The following LAPTM4B variants were observed in gnomAD, a reference collection of about 807,000 sequenced individuals.
LAPTM4B encodes lysosomal protein transmembrane 4 beta, also known as lysosomal-associated transmembrane protein 4B.
In LAPTM4B, 26 loss-of-function variants were observed where a neutral mutation model predicts 28.5. That is an observed-to-expected ratio of 0.91 (90% CI 0.67 to 1.27). The LOEUF is 1.27. Among genes scored for constraint, LAPTM4B ranks in the 50% most tolerant of loss-of-function variants. LAPTM4B has a pLI of 0.00. For synonymous variants in LAPTM4B, 109 were observed against 106.4 expected (o/e 1.02, Z -0.15); for missense variants, 288 against 285.8 (o/e 1.01, Z -0.06).
At chr8:97,814,741 C>A (rs766244573) in intron 2 of LAPTM4B, among the ~76,000 whole-genome samples, 1 of 140,466 alleles carries the variant, frequency 7.1e-6, no homozygotes, top group Admixed American at 7.2e-5. Flanking sequence ...TCGCCCAGAC[C>A]GGAGTGCAGT....
rs777438073 is a variant in LAPTM4B, at chr8:97,846,971, T to A, written c.604-4426T>A. On this transcript the variant is annotated intron_variant, in intron 6 of 6. Transcript: ENST00000521545. Reference sequence around the variant, plus strand: ...TTTATTTCTCCCCCCAACTGTTCTATATGTTGATGTAGCTGAGAAGAATGA... The same window carrying A: ...TTTATTTCTCCCCCCAACTGTTCTAAATGTTGATGTAGCTGAGAAGAATGA... Among the ~76,000 whole-genome samples the A allele has an allele frequency of 2.7e-4, 41 of 152,352 alleles. 2 individuals are homozygous for A. In the Middle Eastern group the frequency reaches 0.02, roughly 76 times the overall value.
At chr8:97,784,613 T>A (rs906332381) in intron 1 of LAPTM4B, among the ~76,000 whole-genome samples, 14 of 152,102 alleles carry the variant, frequency 9.2e-5, no homozygotes, top group Non-Finnish European at 1.9e-4. Flanking sequence ...CTGATTTTTT[T>A]ATTTTTAATA....
intron 1 of LAPTM4B, among the ~76,000 whole-genome samples, chr8:97,783,585 G>C (rs1033097296): frequency 2.0e-5 from 3 of 152,090 alleles, no homozygotes; most frequent in African/African-American, 7.2e-5. Flanking sequence ...CCCATGTTCA[G>C]ACCTTGGAAA....
intron 6 of LAPTM4B, among the ~76,000 whole-genome samples, chr8:97,848,433 A>G (rs1303936890): frequency 2.6e-5 from 4 of 151,292 alleles, no homozygotes; most frequent in African/African-American, 7.4e-5. Context: ...TCTTATGTTA[A>G]TCTTCTGTGA....
At chr8:97,836,092 A>G (rs1028948417) in intron 6 of LAPTM4B, among the ~76,000 whole-genome samples, 3 of 151,972 alleles carry the variant, frequency 2.0e-5, no homozygotes, top group African/African-American at 7.3e-5. Flanking sequence ...CCCCTCATCA[A>G]CCCCTTAGCA....
chr8:97,783,847 A>T (rs1816362168), intron 1 of LAPTM4B, among the ~76,000 whole-genome samples: 1 of 152,074 alleles, frequency 6.6e-6, no homozygotes, highest in Non-Finnish European at 1.5e-5. Context: ...CCTTCCTTTG[A>T]GTTTTCTTAT....
At chr8:97,817,153 T>G (rs1816930791) in intron 4 of LAPTM4B, among the ~76,000 whole-genome samples, 1 of 152,096 alleles carries the variant, frequency 6.6e-6, no homozygotes, top group Admixed American at 6.5e-5. Context: ...TATTTATTTT[T>G]GGGACAGGGT....
At position 97,800,657 on chromosome 8, in the gene LAPTM4B, C is replaced by T. The variant is rs141562632; in HGVS notation, c.100-4696C>T. Among the ~76,000 whole-genome samples the T allele has an allele frequency of 4.5e-3, 682 of 151,800 alleles. 3 individuals are homozygous for T. The highest frequency in any genetic ancestry group is 0.015 in the African/African-American group (627 of 41,374). On this transcript the variant is annotated intron_variant, in intron 1 of 6. Coordinates refer to ENST00000521545, the MANE Select transcript of LAPTM4B (RefSeq NM_018407.6). ...GATTACAGGCATGCACCACCATGCCCGGCTAATTTTGTATTTTTAGTGGAG... is the reference window on the plus strand; with the variant it reads ...GATTACAGGCATGCACCACCATGCCTGGCTAATTTTGTATTTTTAGTGGAG...
intron 4 of LAPTM4B, among the ~76,000 whole-genome samples, chr8:97,818,370 A>T (rs951531259): frequency 6.6e-6 from 1 of 152,142 alleles, no homozygotes; most frequent in African/African-American, 2.4e-5. Context: ...GAGATAAAAG[A>T]TGAGATAGCA....
At chr8:97,823,053 G>C (rs1315893270) in intron 5 of LAPTM4B, among the ~76,000 whole-genome samples, 5 of 152,066 alleles carry the variant, frequency 3.3e-5, no homozygotes, top group African/African-American at 9.7e-5. Flanking sequence ...GCGTTAGCCA[G>C]GGTGGTCTCT....
At chr8:97,779,504 A>T (rs958922738) in intron 1 of LAPTM4B, among the ~76,000 whole-genome samples, 1 of 151,424 alleles carries the variant, frequency 6.6e-6, no homozygotes, top group African/African-American at 2.4e-5. Context: ...AAAAAAGAGA[A>T]AGAGGCCTGG....
At chr8:97,820,030 G>A (rs1405844413) in intron 5 of LAPTM4B, among the ~76,000 whole-genome samples, 1 of 152,120 alleles carries the variant, frequency 6.6e-6, no homozygotes, top group Non-Finnish European at 1.5e-5. Context: ...ACTGTGCCCG[G>A]CTTCAAGATA....
chr8:97,795,183 G>A (rs1242135272), intron 1 of LAPTM4B, among the ~76,000 whole-genome samples: 2 of 152,054 alleles, frequency 1.3e-5, no homozygotes, highest in Admixed American at 6.6e-5. Context: ...CACTGGAGCC[G>A]CAACCTCCTG....
intron 1 of LAPTM4B, among the ~76,000 whole-genome samples, chr8:97,791,009 G>C (rs919872648): frequency 6.6e-6 from 1 of 152,048 alleles, no homozygotes; most frequent in African/African-American, 2.4e-5. Context: ...AGCTCAAGTA[G>C]TTTTCCCACC....
At chr8:97,819,414 A>G (rs1341054306) in intron 5 of LAPTM4B, among the ~76,000 whole-genome samples, 176 bp downstream of exon 5, 1 of 152,212 alleles carries the variant, frequency 6.6e-6, no homozygotes, top group Admixed American at 6.5e-5. Flanking sequence ...ACTAATCAAA[A>G]TTCCACAGTT....
chr8:97,786,387 T>C (rs1816399755), intron 1 of LAPTM4B, among the ~76,000 whole-genome samples: 1 of 143,978 alleles, frequency 6.9e-6, no homozygotes, highest in East Asian at 2.1e-4. Flanking sequence ...TTCAAATTAT[T>C]AGTAAACATA....
intron 1 of LAPTM4B, among the ~76,000 whole-genome samples, chr8:97,803,843 G>T (rs1057226837): frequency 6.6e-6 from 1 of 151,910 alleles, no homozygotes; most frequent in African/African-American, 2.4e-5. Context: ...GGGTCTCACT[G>T]TGTTGCCCAG....
At chr8:97,793,356 GA>G (rs34582050) in intron 1 of LAPTM4B, among the ~76,000 whole-genome samples, 3 of 150,024 alleles carry the variant, frequency 2.0e-5, no homozygotes, top group Non-Finnish European at 4.4e-5. Context: ...TTTCTGTTCA[GA>G]AAAAAAAAGG....
chr8:97,815,450 G>A (rs2129791218), intron 3 of LAPTM4B, 49 bp downstream of exon 3: 2 of 1,248,744 alleles, frequency 1.6e-6, no homozygotes, highest in Middle Eastern at 1.9e-4. Context: ...TCTCTTACAT[G>A]TGTAATCTGT....
Sources: allele counts gnomAD v4.1 joint callset (sites outside exome capture counted in the v4.1 genomes callset), GRCh38; gene constraint gnomAD v4.1.1; transcripts MANE v1.5; gene names NCBI Gene and HGNC (gene_info 2026-07-23, HGNC 2026-07-21).